Variants in AGBL4 observed in about 807,000 individuals in gnomAD.
AGBL4 encodes the protein cytosolic carboxypeptidase 6.
AGBL4 carries 58 observed loss-of-function variants against 66.4 expected under a neutral mutation model. The observed-to-expected ratio is 0.87, with a 90% CI of 0.71 to 1.09. The LOEUF (loss-of-function observed/expected upper bound fraction) is 1.09, where lower values mean the gene tolerates loss of function less well. AGBL4 is among the 50% of genes least tolerant of loss of function. AGBL4 has a pLI of 0.00. For synonymous variants in AGBL4, 234 were observed against 222.9 expected (o/e 1.05, Z -0.44); for missense variants, 579 against 631.0 (o/e 0.92, Z 0.88).
intron 1 of AGBL4, among the ~76,000 whole-genome samples, chr1:49,896,827 A>T (rs1218142217): frequency 6.6e-6 from 1 of 152,068 alleles, no homozygotes; most frequent in Non-Finnish European, 1.5e-5. Context: ...TCAGTGTGAT[A>T]CATCATATAA....
intron 1 of AGBL4, among the ~76,000 whole-genome samples, chr1:49,883,183 C>T (rs1185775749): frequency 6.6e-6 from 1 of 152,146 alleles, no homozygotes; most frequent in Non-Finnish European, 1.5e-5. Flanking sequence ...ATTAATACAA[C>T]ACTACCATAT....
intron 3 of AGBL4, among the ~76,000 whole-genome samples, chr1:49,603,970 ACACACACAC>A (rs1163111828): frequency 7.0e-6 from 1 of 143,456 alleles, no homozygotes; most frequent in African/African-American, 2.8e-5. Context: ...ACACACACAC[ACACACACAC>A]ACCACATTTT....
intron 1 of AGBL4, among the ~76,000 whole-genome samples, chr1:49,912,098 G>A (rs1352266439): frequency 1.3e-5 from 2 of 152,182 alleles, no homozygotes; most frequent in Admixed American, 6.5e-5. Context: ...ACATGTATCT[G>A]TATGGACTAA....
At chr1:49,719,047 G>T (rs1482482816) in intron 2 of AGBL4, among the ~76,000 whole-genome samples, 3 of 151,934 alleles carry the variant, frequency 2.0e-5, no homozygotes, top group Non-Finnish European at 4.4e-5. Flanking sequence ...TGGGTCAGGT[G>T]GTCCTTGCAA....
At chr1:49,761,954 A>C (rs772606648) in intron 2 of AGBL4, among the ~76,000 whole-genome samples, 1 of 152,156 alleles carries the variant, frequency 6.6e-6, no homozygotes, top group Non-Finnish European at 1.5e-5. Context: ...TATATATACC[A>C]TATTTTATTT....
At chr1:50,007,179 T>C (rs1661194272) in intron 1 of AGBL4, among the ~76,000 whole-genome samples, 1 of 152,144 alleles carries the variant, frequency 6.6e-6, no homozygotes, top group African/African-American at 2.4e-5. Flanking sequence ...TATAAGAATT[T>C]AATTGCAAGC....
chr1:49,776,701 C>T (rs1252391611), intron 2 of AGBL4, among the ~76,000 whole-genome samples: 1 of 152,086 alleles, frequency 6.6e-6, no homozygotes, highest in African/African-American at 2.4e-5. Context: ...TCTTTTCTGA[C>T]CTCCCTAATA....
intron 3 of AGBL4, among the ~76,000 whole-genome samples, chr1:49,629,883 TG>T (rs1281965806): frequency 6.6e-6 from 1 of 152,132 alleles, no homozygotes; most frequent in Non-Finnish European, 1.5e-5. Flanking sequence ...TAGTGACTTT[TG>T]GGGGGAAATC....
chr1:49,765,751 A>G (rs1652686535), intron 2 of AGBL4, among the ~76,000 whole-genome samples: 2 of 152,146 alleles, frequency 1.3e-5, no homozygotes, highest in Non-Finnish European at 2.9e-5. Context: ...AAAATCAATC[A>G]GAACAATGGA....
intron 2 of AGBL4, among the ~76,000 whole-genome samples, chr1:49,828,605 T>C (rs930337851): frequency 2.0e-5 from 3 of 152,188 alleles, no homozygotes; most frequent in Admixed American, 6.5e-5. Flanking sequence ...CCAGACCAAG[T>C]AGTCACTGAT....
intron 2 of AGBL4, among the ~76,000 whole-genome samples, chr1:49,816,740 T>C (rs781589118): frequency 2.6e-5 from 4 of 152,210 alleles, no homozygotes; most frequent in African/African-American, 4.8e-5. Context: ...TGACCAGGGT[T>C]TGTCTCTTGT....
chr1:49,856,744 C>A (rs1038228014), intron 1 of AGBL4, among the ~76,000 whole-genome samples: 3 of 151,944 alleles, frequency 2.0e-5, no homozygotes, highest in Admixed American at 1.3e-4. Context: ...ACAATAAAGG[C>A]AATATATGAC....
At chr1:48,815,714 T>C (rs1646157799) in intron 6 of AGBL4, among the ~76,000 whole-genome samples, 1 of 152,154 alleles carries the variant, frequency 6.6e-6, no homozygotes, top group Non-Finnish European at 1.5e-5. Context: ...GTAATATTTA[T>C]TTGGGAGAGA....
intron 5 of AGBL4, among the ~76,000 whole-genome samples, chr1:48,955,646 G>T (rs1379035342): frequency 6.6e-6 from 1 of 152,156 alleles, no homozygotes; most frequent in Non-Finnish European, 1.5e-5. Context: ...GCCTCCAAAA[G>T]CACTGGGATT....
At chr1:48,963,572 T>C (rs1258727785) in intron 5 of AGBL4, among the ~76,000 whole-genome samples, 1 of 151,980 alleles carries the variant, frequency 6.6e-6, no homozygotes, top group Non-Finnish European at 1.5e-5. Context: ...GGCCCAGTAT[T>C]CTGTATGATG....
At chr1:48,610,173 G>A (rs1467484162) in intron 9 of AGBL4, among the ~76,000 whole-genome samples, 2 of 152,238 alleles carry the variant, frequency 1.3e-5, no homozygotes, top group Non-Finnish European at 2.9e-5. Context: ...TGCTGCTGCT[G>A]TAGCCTGACT....
rs548056835 is a variant in AGBL4, at chr1:49,923,449, A to C, written c.35-71931T>G. On this transcript the variant is annotated intron_variant, in intron 1 of 13. Coordinates refer to ENST00000371839, the MANE Select transcript of AGBL4 (RefSeq NM_032785.4). Reference sequence around the variant, plus strand: ...AAGATGTGATGATGGTGACAAAATAAAAAAAAAATAAGTGTGACCTAAGTA... The same window carrying C: ...AAGATGTGATGATGGTGACAAAATACAAAAAAAATAAGTGTGACCTAAGTA... Among the ~76,000 whole-genome samples the C allele has an allele frequency of 2.6e-5, 4 of 151,106 alleles. No homozygotes were observed. The South Asian group carries it at 8.4e-4, about 32-fold the overall frequency.
At chr1:48,619,629 C>A (rs921743706) in intron 9 of AGBL4, among the ~76,000 whole-genome samples, 1 of 152,146 alleles carries the variant, frequency 6.6e-6, no homozygotes, top group South Asian at 2.1e-4. Context: ...CAGTTGGAGG[C>A]TTTTTCAAGG....
At chr1:48,869,328 A>G (rs1272926540) in intron 5 of AGBL4, among the ~76,000 whole-genome samples, 2 of 152,122 alleles carry the variant, frequency 1.3e-5, no homozygotes, top group Non-Finnish European at 2.9e-5. Context: ...TTCCTTCCCT[A>G]ACACGGAACC....
Sources: allele counts gnomAD v4.1 joint callset (sites outside exome capture counted in the v4.1 genomes callset), GRCh38; gene constraint gnomAD v4.1.1; transcripts MANE v1.5; gene names NCBI Gene and HGNC (gene_info 2026-07-23, HGNC 2026-07-21).